Variants in ZNF79 observed in about 807,000 individuals in gnomAD.
The protein encoded by ZNF79 is zinc finger protein 79.
Under a neutral mutation model 14.9 loss-of-function variants are expected in ZNF79, and 13 were observed. The ratio of observed to expected loss-of-function variants is 0.87; its 90% CI spans 0.57 to 1.38. The LOEUF is 1.38. Ranked by LOEUF, ZNF79 falls within the 40% of genes most tolerant of loss-of-function variation. The probability of loss-of-function intolerance (pLI) is 0.00; values close to 1 mark genes in which losing one functional copy is unlikely to be tolerated. For synonymous variants in ZNF79, 223 were observed against 235.1 expected, an observed-to-expected ratio of 0.95 and a Z score of 0.47; for missense variants, 631 against 630.6, an observed-to-expected ratio of 1.00 and a Z score of -0.01.
intron 2 of ZNF79, among the ~76,000 whole-genome samples, chr9:127,430,911 T>C (rs1263768642): frequency 1.3e-5 from 2 of 152,256 alleles, no homozygotes; most frequent in East Asian, 3.8e-4. Context: ...AGTGATAACC[T>C]TTCCCTTTTC....
chr9:127,434,946 G>A (rs3923308), intron 2 of ZNF79, 144 bp from the exon 3 acceptor site: 411,201 of 924,482 alleles, frequency 0.44, 96,351 homozygotes, highest in Non-Finnish European at 0.48. Context: ...GTGAGCCACC[G>A]CACCTGGCCA....
chr9:127,425,581 GT>G (rs1205058823), intron 1 of ZNF79, among the ~76,000 whole-genome samples: 1 of 151,106 alleles, frequency 6.6e-6, no homozygotes, highest in Non-Finnish European at 1.5e-5. Flanking sequence ...CCTTGTATTT[GT>G]TTTTTTTTGT....
chr9:127,443,258 T>C (rs1484621637), intron 4 of ZNF79, among the ~76,000 whole-genome samples: 1 of 151,740 alleles, frequency 6.6e-6, no homozygotes, highest in Admixed American at 6.6e-5. Context: ...CTCTCCAAAA[T>C]ATCAAAATTA....
Position 127,434,559 on chromosome 9 carries a change from T to A in ZNF79, c.106-531T>A, listed in dbSNP as rs574839545. Reference sequence around the variant, plus strand: ...TTTATACATAAAGTCTATTTATACATAAATGTGTGAAGACAAGAGACAGTG... The same window carrying A: ...TTTATACATAAAGTCTATTTATACAAAAATGTGTGAAGACAAGAGACAGTG... On this transcript the variant is annotated intron_variant, in intron 2 of 4. Transcript: ENST00000342483. Among the ~76,000 whole-genome samples the A allele has an allele frequency of 3.3e-5, 5 of 152,300 alleles. No individual in the cohort carries two copies. The East Asian group carries it at 9.6e-4, about 29-fold the overall frequency.
intron 4 of ZNF79, among the ~76,000 whole-genome samples, chr9:127,439,732 A>G (rs545702008): frequency 1.3e-5 from 2 of 152,296 alleles, no homozygotes; most frequent in African/African-American, 4.8e-5. Context: ...AATGTGCCTT[A>G]AGCATTTGGT....
Position 127,445,127 on chromosome 9 carries a change from G to C in ZNF79, c.1427G>C (p.Ser476Thr). ...ACAGGCGTGAAACCCTACGAATGCA[G>C]CGAGTGTGGGAAGGCCTTCCGGTGC... ...IHTGVKPYEC[S>T]ECGKAFRCSS... The change falls in exon 5 of 5, where the codon AGC becomes ACC. Residue 476 changes from serine to threonine, a missense_variant. Transcript: ENST00000342483. 1 of 1,614,178 alleles carries C rather than the reference G, an allele frequency of 6.2e-7. No individual in the cohort carries two copies. Among genetic ancestry groups the C allele is most frequent in the Non-Finnish European group, 8.5e-7 (1 of 1,180,028 alleles).
At chr9:127,443,287 C>A (rs1194839361) in intron 4 of ZNF79, among the ~76,000 whole-genome samples, 1 of 151,734 alleles carries the variant, frequency 6.6e-6, no homozygotes, top group Non-Finnish European at 1.5e-5. Flanking sequence ...TGGTGGTATG[C>A]TCCTTTAGTT....
intron 4 of ZNF79, among the ~76,000 whole-genome samples, chr9:127,442,748 A>G (rs1348950830): frequency 6.6e-6 from 1 of 151,990 alleles, no homozygotes; most frequent in African/African-American, 2.4e-5. Context: ...CTGTAGTCCC[A>G]GCTGCTCAGA....
chr9:127,436,058 A>T (rs1833942920), intron 4 of ZNF79, 55 bp downstream of exon 4: 2 of 1,438,388 alleles, frequency 1.4e-6, no homozygotes, highest in Non-Finnish European at 2.0e-6. Context: ...GCGCCTTTAA[A>T]TCACGCATGA....
intron 4 of ZNF79, among the ~76,000 whole-genome samples, chr9:127,442,690 C>T (rs941826981): frequency 2.6e-5 from 4 of 151,992 alleles, no homozygotes; most frequent in Admixed American, 1.3e-4. Context: ...TGGCAAAACC[C>T]TATCTCAGCA....
chr9:127,430,305 G>C (rs1833837684), intron 2 of ZNF79, among the ~76,000 whole-genome samples: 1 of 152,016 alleles, frequency 6.6e-6, no homozygotes, highest in African/African-American at 2.4e-5. Flanking sequence ...ATGTGTGCAG[G>C]GTTGTTAAAT....
At position 127,445,170 on chromosome 9, in the gene ZNF79, ACAT is replaced by A. The variant is rs1345874571; in HGVS notation, c.1473_1475del (p.His491del). On this transcript the variant is annotated inframe_deletion, in exon 5 of 5. Transcript: ENST00000342483. ...TCCGGTGCAGCTCTGCCTTCGTTAG[ACAT>A]CAGAGACTCCACGCCGGAGAGTAAC... is the stretch of plus-strand genomic sequence containing the variant. The A allele has an allele frequency of 1.9e-6, 3 of 1,614,066 alleles. No homozygotes were observed. The East Asian group carries it at 6.7e-5, about 36-fold the overall frequency.
intron 2 of ZNF79, among the ~76,000 whole-genome samples, chr9:127,431,295 C>T (rs1367969089): frequency 6.7e-6 from 1 of 149,980 alleles, no homozygotes; most frequent in Non-Finnish European, 1.5e-5. Context: ...CTCACTCTGT[C>T]ACCCAGTCTG....
chr9:127,433,504 C>G (rs1833895660), intron 2 of ZNF79, among the ~76,000 whole-genome samples: 1 of 152,146 alleles, frequency 6.6e-6, no homozygotes, highest in South Asian at 2.1e-4. Context: ...TCTCCTGATT[C>G]ATTTCTTCCC....
intron 1 of ZNF79, chr9:127,425,008 T>A (rs1833725621): frequency 5.0e-6 from 7 of 1,397,472 alleles, no homozygotes; most frequent in Non-Finnish European, 6.6e-6. Flanking sequence ...GAGTAAAGAA[T>A]TCGGGGGTCA....
intron 1 of ZNF79, 141 bp downstream of exon 1, chr9:127,424,944 C>T (rs1833724122): frequency 2.0e-6 from 3 of 1,525,928 alleles, no homozygotes; most frequent in Non-Finnish European, 2.7e-6. Flanking sequence ...CTTTCTTTGC[C>T]CATGACACAG....
rs1465881420 is a variant in ZNF79 at position 127,424,440 on chromosome 9, A to C, written c.-348A>C. 2 of 276,894 alleles carry C rather than the reference A, an allele frequency of 7.2e-6. No homozygotes were observed. Among genetic ancestry groups the C allele is most frequent in the Non-Finnish European group, 1.4e-5 (2 of 140,744 alleles). The allele number at this position is 276,894 out of a possible 1,614,324, so 17.2% of individuals were successfully genotyped here. A position where few individuals can be genotyped will look rare whatever the true frequency, so the allele number is the denominator to read the frequency against. On this transcript the variant is annotated 5_prime_UTR_variant, in exon 1 of 5. Coordinates refer to ENST00000342483, the MANE Select transcript of ZNF79 (RefSeq NM_007135.3). Reference sequence around the variant, plus strand: ...ACCTGGCGTTGGGCGGTACTTGGACAGCGGTTCTTGAGCTCTCGCGGTTGC... The same window carrying C: ...ACCTGGCGTTGGGCGGTACTTGGACCGCGGTTCTTGAGCTCTCGCGGTTGC...
At position 127,435,341 on chromosome 9, in the gene ZNF79, G is replaced by T. The variant is rs147636925; in HGVS notation, c.232+125G>T. Reference sequence around the variant, plus strand: ...CAGAGGGATGGTGTTTATTCCTCTTGTTCTCTTGGGGAAGGTCTCTGCATG... The same window carrying T: ...CAGAGGGATGGTGTTTATTCCTCTTTTTCTCTTGGGGAAGGTCTCTGCATG... On this transcript the variant is annotated intron_variant, in intron 3 of 4. Transcript: ENST00000342483. The T allele has an allele frequency of 9.5e-5, 113 of 1,187,410 alleles. No homozygotes were observed. In the East Asian group the frequency reaches 2.7e-3, roughly 28 times the overall value. The allele number at this position is 1,187,410 out of a possible 1,614,324, so 73.6% of individuals were successfully genotyped here. A position where few individuals can be genotyped will look rare whatever the true frequency, so the allele number is the denominator to read the frequency against.
At chr9:127,428,964 CT>C (rs769507994) in intron 2 of ZNF79, 44 bp downstream of exon 2, 132 of 1,313,014 alleles carry the variant, frequency 1.0e-4, no homozygotes, top group Non-Finnish European at 1.2e-4. Flanking sequence ...TTCTTCCCCC[CT>C]AATACTAATG....
Sources: gnomAD v4.1 joint callset for allele counts (sites outside exome capture counted in the v4.1 genomes callset) on GRCh38, gnomAD v4.1.1 for gene constraint, MANE v1.5 for transcripts, NCBI Gene and HGNC (gene_info 2026-07-23, HGNC 2026-07-21) for gene names.